Variants in DPY19L1 observed in about 807,000 individuals in gnomAD.
DPY19L1 encodes the protein dpy-19 like C-mannosyltransferase 1.
Under a neutral mutation model 96.9 loss-of-function variants are expected in DPY19L1, and 35 were observed. The ratio of observed to expected loss-of-function variants is 0.36; its 90% CI spans 0.28 to 0.48. DPY19L1 has a LOEUF of 0.48. Ranked by LOEUF, DPY19L1 falls within the 20% of genes least tolerant of loss-of-function variation. DPY19L1 has a pLI of 0.99. For synonymous variants in DPY19L1, 205 were observed against 252.6 expected (o/e 0.81, Z 1.79); for missense variants, 521 against 777.9 (o/e 0.67, Z 3.93).
rs1295483630 is a variant in DPY19L1, at chr7:34,983,544, G to C, written c.822+6340C>G. Among the ~76,000 whole-genome samples, 6 of 121,474 alleles carry C rather than the reference G, an allele frequency of 4.9e-5. 1 individual carries two copies. The Admixed American group carries it at 6.6e-4, about 13-fold the overall frequency. The allele number at this position is 121,474 out of a possible 152,430, so 79.7% of individuals were successfully genotyped here. A position where few individuals can be genotyped will look rare whatever the true frequency, so the allele number is the denominator to read the frequency against. On this transcript the variant is annotated intron_variant, in intron 7 of 21. Coordinates refer to ENST00000638088, the MANE Select transcript of DPY19L1 (RefSeq NM_001366673.1). ...GAGGGAAGAAAGGAAGGCAAGAAGG[G>C]AAGAAGAGAGGGAGGGAGGGAGGGA...
At chr7:35,008,659 T>C (rs762203519) in intron 6 of DPY19L1, among the ~76,000 whole-genome samples, 5 of 152,186 alleles carry the variant, frequency 3.3e-5, no homozygotes, top group East Asian at 1.9e-4. Context: ...CATCTGTGAA[T>C]AGTCACTAGA....
At chr7:34,950,897 A>C (rs1784254638) in intron 13 of DPY19L1, among the ~76,000 whole-genome samples, 1 of 152,168 alleles carries the variant, frequency 6.6e-6, no homozygotes, top group African/African-American at 2.4e-5. Context: ...AATTGGACTT[A>C]AGGGAAAAAA....
chr7:35,036,411 T>C (rs1377333030), intron 1 of DPY19L1, among the ~76,000 whole-genome samples: 1 of 151,898 alleles, frequency 6.6e-6, no homozygotes, highest in Non-Finnish European at 1.5e-5. Flanking sequence ...TGCGTCAACT[T>C]TGTTTTTTTT....
In DPY19L1 at chr7:34,950,782, T is replaced by G. The variant is rs553935031; in HGVS notation, c.1321-884A>C. Among the ~76,000 whole-genome samples, 11 of 152,160 alleles carry G rather than the reference T, an allele frequency of 7.2e-5. No homozygotes were observed. The East Asian group carries it at 1.7e-3, about 24-fold the overall frequency. ...AGAATATACAGCACCTAAAATAGCA[T>G]AAGAAAACAAATCCCAAACAAAATG... On this transcript the variant is annotated intron_variant, in intron 13 of 21. Coordinates refer to ENST00000638088, the MANE Select transcript of DPY19L1 (RefSeq NM_001366673.1).
intron 1 of DPY19L1, among the ~76,000 whole-genome samples, chr7:35,022,440 T>C (rs182445359): frequency 5.3e-5 from 8 of 152,352 alleles, no homozygotes; most frequent in Admixed American, 3.3e-4. Context: ...TTAGACTCTC[T>C]AGGATGCTGC....
chr7:34,958,423 G>C (rs940149293), intron 10 of DPY19L1, among the ~76,000 whole-genome samples: 3 of 152,170 alleles, frequency 2.0e-5, no homozygotes, highest in Non-Finnish European at 4.4e-5. Context: ...TTAAGAACTG[G>C]TAAAAGTATT....
At position 34,940,133 on chromosome 7, in the gene DPY19L1, T is replaced by C. The variant is rs1783968076; in HGVS notation, c.1864+20A>G. 4.8e-6 allele frequency: 7 copies of C among 1,461,844 alleles called. No individual in the cohort carries two copies. In the East Asian group the frequency reaches 1.5e-4, roughly 32 times the overall value. 90.6% of individuals were successfully genotyped at this position (1,461,844 alleles called of 1,614,324 possible). On this transcript the variant is annotated intron_variant, in intron 19 of 21. Coordinates refer to ENST00000638088, the MANE Select transcript of DPY19L1 (RefSeq NM_001366673.1). The stretch of plus-strand genomic sequence containing the variant: ...AACAGCTAAATAATATGACTTTTTT[T>C]TTCTTTTTTTTTTTTTTACCTGGTT...
At chr7:34,977,648 T>C (rs1332718498) in intron 7 of DPY19L1, among the ~76,000 whole-genome samples, 2 of 152,142 alleles carry the variant, frequency 1.3e-5, no homozygotes, top group Non-Finnish European at 2.9e-5. Flanking sequence ...AATTTGAAAA[T>C]AGTGAAGAGA....
chr7:34,989,018 A>T (rs1287763385), intron 7 of DPY19L1, among the ~76,000 whole-genome samples: 1 of 152,160 alleles, frequency 6.6e-6, no homozygotes, highest in Non-Finnish European at 1.5e-5. Context: ...AACTAAGGCA[A>T]AGAGAGATTA....
At chr7:34,972,032 T>C (rs1315331097) in intron 8 of DPY19L1, among the ~76,000 whole-genome samples, 2 of 152,022 alleles carry the variant, frequency 1.3e-5, no homozygotes, top group Non-Finnish European at 2.9e-5. Flanking sequence ...GAAGAGAAGG[T>C]TGGAGTGAAC....
intron 7 of DPY19L1, among the ~76,000 whole-genome samples, chr7:34,982,525 G>T (rs1784962588): frequency 6.6e-6 from 1 of 152,170 alleles, no homozygotes; most frequent in African/African-American, 2.4e-5. Flanking sequence ...AAAGAAAAAT[G>T]CACTTTTGTT....
At chr7:34,985,645 A>G (rs1785031709) in intron 7 of DPY19L1, among the ~76,000 whole-genome samples, 1 of 152,088 alleles carries the variant, frequency 6.6e-6, no homozygotes, top group Non-Finnish European at 1.5e-5. Context: ...ACCTGTTAGA[A>G]AGGCTATTAT....
chr7:34,980,521 T>C lies in DPY19L1; in HGVS notation c.823-6916A>G, dbSNP rs535061359. On this transcript the variant is annotated intron_variant, in intron 7 of 21. Transcript: ENST00000638088. ...CGAAAAAAGAGGAAAAGACAGGTCGTTAAGTGGTGAGAAGGTACTTGTAGA... is the reference window on the plus strand; with the variant it reads ...CGAAAAAAGAGGAAAAGACAGGTCGCTAAGTGGTGAGAAGGTACTTGTAGA... Among the ~76,000 whole-genome samples the C allele has an allele frequency of 1.1e-4, 16 of 152,162 alleles. No homozygotes were observed. In the South Asian group the frequency reaches 2.9e-3, roughly 28 times the overall value.
At chr7:34,952,538 G>A (rs1199647089) in intron 13 of DPY19L1, among the ~76,000 whole-genome samples, 1 of 152,088 alleles carries the variant, frequency 6.6e-6, no homozygotes, top group Non-Finnish European at 1.5e-5. Flanking sequence ...AATAATTTTA[G>A]GAGATGACAT....
intron 16 of DPY19L1, among the ~76,000 whole-genome samples, chr7:34,945,327 G>A (rs1371601447): frequency 2.0e-5 from 3 of 151,912 alleles, no homozygotes; most frequent in East Asian, 3.9e-4. Context: ...ATATTTCCCT[G>A]CTCATTTCCA....
rs143060767 is a variant in DPY19L1 at position 34,974,934 on chromosome 7, C to G, written c.823-1329G>C. Among the ~76,000 whole-genome samples the G allele has an allele frequency of 1.2e-4, 19 of 152,204 alleles. No individual in the cohort carries two copies. In the East Asian group the frequency reaches 3.7e-3, roughly 29 times the overall value. ...ATCAGTAATCTCTGATATTACTATT[C>G]TAATTGCCTTAGGTGCCTTGAACCA... On this transcript the variant is annotated intron_variant, in intron 7 of 21. Coordinates refer to ENST00000638088, the MANE Select transcript of DPY19L1 (RefSeq NM_001366673.1).
chr7:34,965,822 G>C (rs1784596755), intron 10 of DPY19L1, among the ~76,000 whole-genome samples: 1 of 151,812 alleles, frequency 6.6e-6, no homozygotes, highest in Non-Finnish European at 1.5e-5. Context: ...CCAGCTTTAG[G>C]GTCTTTGTTC....
At chr7:34,941,156 T>G (rs1046059764) in intron 18 of DPY19L1, among the ~76,000 whole-genome samples, 2 of 152,104 alleles carry the variant, frequency 1.3e-5, no homozygotes, top group African/African-American at 4.8e-5. Flanking sequence ...GCAGTGTAGG[T>G]GCTTAGTGAC....
At position 34,960,525 on chromosome 7, in the gene DPY19L1, A is replaced by T. The variant is rs867811492; in HGVS notation, c.1093-2455T>A. ...TTGTTTCCAGTAGTAGTTTATTTGG[A>T]TTTCTCAAGTATTCAAAATGATATC... On this transcript the variant is annotated intron_variant, in intron 10 of 21. Transcript: ENST00000638088. Among the ~76,000 whole-genome samples, 2 of 152,258 alleles carry T rather than the reference A, an allele frequency of 1.3e-5. 1 individual carries two copies. The highest frequency in any genetic ancestry group is 4.1e-4 in the South Asian group (2 of 4,830).
Sources: allele counts gnomAD v4.1 joint callset (sites outside exome capture counted in the v4.1 genomes callset), GRCh38; gene constraint gnomAD v4.1.1; transcripts MANE v1.5; gene names NCBI Gene and HGNC (gene_info 2026-07-23, HGNC 2026-07-21).